IL1RAPL1: variants seen among roughly 807,000 people sequenced by gnomAD.
IL1RAPL1 encodes interleukin 1 receptor accessory protein like 1.
In IL1RAPL1, 3 loss-of-function variants were observed where a neutral mutation model predicts 48.4. The ratio of observed to expected loss-of-function variants is 0.06; its 90% CI spans 0.03 to 0.16. The LOEUF is 0.16. IL1RAPL1 is among the 10% of genes least tolerant of loss of function. The pLI, the probability that IL1RAPL1 is intolerant of heterozygous loss-of-function variation, is 1.00. For missense variants in IL1RAPL1, 349 were observed against 530.6 expected, an observed-to-expected ratio of 0.66 and a Z score of 3.36; for synonymous variants, 185 against 187.7, an observed-to-expected ratio of 0.99 and a Z score of 0.12.
intron 5 of IL1RAPL1, among the ~76,000 whole-genome samples, chrX:29,597,682 G>C (rs1168923238): frequency 8.9e-6 from 1 of 111,754 alleles, no homozygotes; most frequent in Non-Finnish European, 1.9e-5. Context: ...TTCATTGTTT[G>C]CAGTTCTTAA....
intron 2 of IL1RAPL1, among the ~76,000 whole-genome samples, chrX:29,114,751 G>A (rs1466120658): frequency 2.7e-5 from 3 of 109,968 alleles, no homozygotes; most frequent in South Asian, 7.7e-4. Context: ...TGCCTCAGCC[G>A]CCCGAGTAGC....
intron 5 of IL1RAPL1, among the ~76,000 whole-genome samples, chrX:29,510,476 C>T (rs192666649): frequency 2.8e-4 from 31 of 112,619 alleles, no homozygotes; most frequent in Middle Eastern, 9.1e-3. Context: ...CATAATTTCA[C>T]TATTTTACTT....
At chrX:29,927,310 G>A (rs1207620183) in intron 8 of IL1RAPL1, among the ~76,000 whole-genome samples, 1 of 112,073 alleles carries the variant, frequency 8.9e-6, no homozygotes, top group Non-Finnish European at 1.9e-5. Flanking sequence ...TAGTTATCTT[G>A]AGCTCACTGT....
chrX:29,094,589 C>A (rs1448038650), intron 2 of IL1RAPL1, among the ~76,000 whole-genome samples: 1 of 74,017 alleles, frequency 1.4e-5, no homozygotes, highest in African/African-American at 5.0e-5. Context: ...GAAACTCTAT[C>A]TCTACTTAAA....
intron 6 of IL1RAPL1, among the ~76,000 whole-genome samples, chrX:29,827,767 G>A (rs1210550053): frequency 1.8e-5 from 2 of 112,331 alleles, no homozygotes; most frequent in African/African-American, 6.5e-5. Flanking sequence ...TATTCAATGG[G>A]AATAATAGTA....
intron 2 of IL1RAPL1, among the ~76,000 whole-genome samples, chrX:28,826,205 C>A (rs1366487196): frequency 9.0e-6 from 1 of 111,590 alleles, no homozygotes; most frequent in Non-Finnish European, 1.9e-5. Flanking sequence ...TTATATCATT[C>A]TTCCTATCTT....
chrX:28,855,594 AAT>A (rs1310669692), intron 2 of IL1RAPL1, among the ~76,000 whole-genome samples: 4 of 111,282 alleles, frequency 3.6e-5, no homozygotes, highest in African/African-American at 1.3e-4. Flanking sequence ...TAGTTTCATT[AAT>A]ATGTTTTCTG....
At chrX:29,950,682 TTTC>T (rs1266142509) in intron 9 of IL1RAPL1, among the ~76,000 whole-genome samples, 1 of 105,575 alleles carries the variant, frequency 9.5e-6, no homozygotes, top group East Asian at 2.9e-4. Flanking sequence ...TTTTTTTTTT[TTTC>T]TTTTTTTTTG....
chrX:29,748,930 T>G (rs1054447537), intron 6 of IL1RAPL1, among the ~76,000 whole-genome samples: 5 of 112,632 alleles, frequency 4.4e-5, no homozygotes, highest in African/African-American at 6.4e-5. Flanking sequence ...GGAGACAGAT[T>G]GATATTTTTG....
rs1456661268 is a variant in IL1RAPL1, at chrX:28,652,691, A to G, written c.-25+64644A>G. 2.7e-5 allele frequency among the ~76,000 whole-genome samples: 3 copies of G among 111,908 alleles called. No individual in the cohort carries two copies. The East Asian group carries it at 8.4e-4, about 31-fold the overall frequency. ...GCTATATTCTGGGGGGCAAGTAAAT[A>G]TAAAAATACATTTTTGATCAAGAAA... is the stretch of plus-strand genomic sequence containing the variant. On this transcript the variant is annotated intron_variant, in intron 1 of 10. Transcript: ENST00000378993.
At chrX:29,575,529 G>T (rs1922746753) in intron 5 of IL1RAPL1, among the ~76,000 whole-genome samples, 2 of 111,852 alleles carry the variant, frequency 1.8e-5, no homozygotes, top group African/African-American at 6.5e-5. Flanking sequence ...TCTTCTGCCT[G>T]CTTTGTTCTA....
intron 2 of IL1RAPL1, among the ~76,000 whole-genome samples, chrX:28,898,875 G>C (rs681258): frequency 0.33 from 35,225 of 107,777 alleles, 4,255 homozygotes; most frequent in Admixed American, 0.41. Flanking sequence ...CTACAGACTT[G>C]ACCTCCTGGG....
intron 6 of IL1RAPL1, among the ~76,000 whole-genome samples, chrX:29,816,700 G>A (rs1930500443): frequency 9.1e-6 from 1 of 110,302 alleles, no homozygotes; most frequent in African/African-American, 3.3e-5. Flanking sequence ...ACTGAATCCA[G>A]CAGCACATCA....
intron 2 of IL1RAPL1, among the ~76,000 whole-genome samples, chrX:29,120,222 T>G (rs961211333): frequency 8.9e-6 from 1 of 112,455 alleles, no homozygotes; most frequent in African/African-American, 3.2e-5. Flanking sequence ...CCAAGGCAGA[T>G]GTCTGCAATG....
intron 6 of IL1RAPL1, among the ~76,000 whole-genome samples, chrX:29,880,752 G>A (rs1409449560): frequency 9.0e-6 from 1 of 111,010 alleles, no homozygotes; most frequent in African/African-American, 3.3e-5. Context: ...GCATTCAAAA[G>A]AATAATAAAA....
chrX:28,920,762 G>A (rs1001428799), intron 2 of IL1RAPL1, among the ~76,000 whole-genome samples: 5 of 111,777 alleles, frequency 4.5e-5, no homozygotes, highest in Non-Finnish European at 5.6e-5. Flanking sequence ...CTAAAATAAG[G>A]CCTTCTGCTG....
At chrX:29,236,759 G>A (rs1027791099) in intron 2 of IL1RAPL1, among the ~76,000 whole-genome samples, 3 of 101,612 alleles carry the variant, frequency 3.0e-5, no homozygotes, top group African/African-American at 1.1e-4. Flanking sequence ...TAGTAGAGAC[G>A]GGGGTTTCAC....
chrX:29,429,880 A>G (rs866177115), intron 5 of IL1RAPL1, among the ~76,000 whole-genome samples: 999 of 92,497 alleles, frequency 0.011, 21 homozygotes, highest in African/African-American at 0.04. Flanking sequence ...GTGTATATAT[A>G]TGTGTGTGTG....
At chrX:29,803,238 T>G (rs1359445836) in intron 6 of IL1RAPL1, among the ~76,000 whole-genome samples, 1 of 35,973 alleles carries the variant, frequency 2.8e-5, no homozygotes. Context: ...CACACATGTA[T>G]ATATGTATAC....
Sources: allele counts gnomAD v4.1 joint callset (sites outside exome capture counted in the v4.1 genomes callset), GRCh38; gene constraint gnomAD v4.1.1; transcripts MANE v1.5; gene names NCBI Gene and HGNC (gene_info 2026-07-23, HGNC 2026-07-21).